Variants in PGBD2 observed in about 807,000 individuals in gnomAD.
PGBD2 encodes the protein piggyBac transposable element-derived protein 2.
A neutral mutation model predicts 8.1 loss-of-function variants in PGBD2; 6 were observed. The observed-to-expected ratio is 0.74, with a 90% CI of 0.40 to 1.46. PGBD2 has a LOEUF of 1.46. Ranked by LOEUF, PGBD2 falls within the 40% of genes most tolerant of loss-of-function variation. PGBD2 has a pLI of 0.02. For synonymous variants in PGBD2, 318 were observed against 272.2 expected (o/e 1.17, Z -1.66); for missense variants, 802 against 739.0 (o/e 1.09, Z -0.99).
the PGBD2 span, among the ~76,000 whole-genome samples, chr1:248,873,625 T>C: frequency 6.6e-6 from 1 of 152,196 alleles, no homozygotes; most frequent in Non-Finnish European, 1.5e-5. Context: ...TGGCACACGG[T>C]CACTAACCCC....
upstream of PGBD2, among the ~76,000 whole-genome samples, chr1:248,904,914 G>A (rs927626632): frequency 1.3e-5 from 2 of 152,058 alleles, no homozygotes; most frequent in Admixed American, 1.3e-4. Flanking sequence ...ATGACAAGAG[G>A]GTTTTTCTCT....
chr1:248,886,190 G>GT, the PGBD2 span, among the ~76,000 whole-genome samples: 6 of 152,066 alleles, frequency 3.9e-5, no homozygotes, highest in Admixed American at 1.3e-4. Flanking sequence ...TACATGCTAG[G>GT]TTTTTTTCAG....
chr1:248,907,380 G>A (rs533876410), intron 1 of PGBD2, among the ~76,000 whole-genome samples: 10 of 152,326 alleles, frequency 6.6e-5, no homozygotes, highest in South Asian at 2.1e-4. Flanking sequence ...GGTTTTGTAC[G>A]GAGACATTCA....
chr1:248,885,658 G>T, the PGBD2 span, among the ~76,000 whole-genome samples: 114 of 152,286 alleles, frequency 7.5e-4, 1 homozygote, highest in African/African-American at 2.6e-3. Context: ...AGTGCTTGAT[G>T]AAGACTATCT....
the PGBD2 span, among the ~76,000 whole-genome samples, chr1:248,887,767 A>G: frequency 3.3e-5 from 5 of 152,278 alleles, no homozygotes; most frequent in East Asian, 9.6e-4. Flanking sequence ...ATTACGTTCA[A>G]TGGCAAAAAC....
the PGBD2 span, among the ~76,000 whole-genome samples, chr1:248,928,126 C>A: frequency 0.1 from 15,141 of 151,816 alleles, 1,694 homozygotes; most frequent in African/African-American, 0.27. Context: ...CTTTTTTGTC[C>A]CAGCAGCCTT....
At chr1:248,875,308 C>CAAAAAAAAAAA in the PGBD2 span, among the ~76,000 whole-genome samples, 177 of 110,250 alleles carry the variant, frequency 1.6e-3, 1 homozygote, top group Middle Eastern at 6.5e-3. Context: ...AAAAACAAAA[C>CAAAAAAAAAAA]AAAAAAAAAA....
At chr1:248,886,953 G>A in the PGBD2 span, among the ~76,000 whole-genome samples, 1 of 152,110 alleles carries the variant, frequency 6.6e-6, no homozygotes, top group Non-Finnish European at 1.5e-5. Context: ...GCATGCCAGT[G>A]GTTTGGCTGC....
intron 2 of PGBD2, 34 bp downstream of exon 2, chr1:248,913,913 A>G: frequency 1.3e-6 from 2 of 1,583,444 alleles, no homozygotes; most frequent in Non-Finnish European, 1.7e-6. Flanking sequence ...GTTTTATTGA[A>G]GAATTTATTC....
At chr1:248,891,053 A>G in the PGBD2 span, among the ~76,000 whole-genome samples, 1 of 152,128 alleles carries the variant, frequency 6.6e-6, no homozygotes, top group Non-Finnish European at 1.5e-5. Flanking sequence ...CCACTCACAA[A>G]TCACTCACGC....
At chr1:248,880,566 T>A in the PGBD2 span, among the ~76,000 whole-genome samples, 2 of 152,354 alleles carry the variant, frequency 1.3e-5, no homozygotes, top group East Asian at 3.9e-4. Flanking sequence ...AGATGGGTAA[T>A]GCAGTGATTG....
intron 2 of PGBD2, chr1:248,914,373 A>C: frequency 1.0e-6 from 1 of 982,670 alleles, no homozygotes; most frequent in Non-Finnish European, 1.2e-6. Flanking sequence ...CCTTACTCCA[A>C]GGTCCATGAG....
chr1:248,923,262 T>C (rs531443758), downstream of PGBD2, among the ~76,000 whole-genome samples: 1 of 152,342 alleles, frequency 6.6e-6, no homozygotes, highest in East Asian at 1.9e-4. Flanking sequence ...TTTATAGTAT[T>C]CTCTGATGAT....
upstream of PGBD2, among the ~76,000 whole-genome samples, chr1:248,904,761 C>CT (rs1216989150): frequency 1.3e-5 from 2 of 152,232 alleles, no homozygotes; most frequent in African/African-American, 2.4e-5. Context: ...AACCTTCTCA[C>CT]TTACCAACCT....
the PGBD2 span, among the ~76,000 whole-genome samples, chr1:248,927,530 CCTCT>C: frequency 3.9e-5 from 6 of 152,146 alleles, no homozygotes; most frequent in African/African-American, 1.2e-4. Flanking sequence ...CCATGTGGTC[CCTCT>C]CTCAATGACT....
chr1:248,909,516 G>A (rs985336913), intron 1 of PGBD2, among the ~76,000 whole-genome samples: 26 of 152,192 alleles, frequency 1.7e-4, no homozygotes, highest in African/African-American at 5.8e-4. Context: ...GTGCCCTGGA[G>A]TGTGGCCATT....
chr1:248,879,167 T>A, the PGBD2 span, among the ~76,000 whole-genome samples: 1,150 of 152,322 alleles, frequency 7.5e-3, 14 homozygotes, highest in Middle Eastern at 0.017. Flanking sequence ...ACAGCGCCTG[T>A]TTAATTTTAA....
At chr1:248,909,502 C>T (rs76864201) in intron 1 of PGBD2, among the ~76,000 whole-genome samples, 379 of 152,204 alleles carry the variant, frequency 2.5e-3, no homozygotes, top group Non-Finnish European at 3.9e-3. Flanking sequence ...TTGAGATGGA[C>T]GGGGTGCCCT....
chr1:248,895,678 G>A, the PGBD2 span, among the ~76,000 whole-genome samples: 11 of 151,946 alleles, frequency 7.2e-5, no homozygotes, highest in African/African-American at 2.4e-4. Context: ...TGTACCCAAT[G>A]TATAGATTTT....
Sources: allele counts gnomAD v4.1 joint callset (sites outside exome capture counted in the v4.1 genomes callset), GRCh38; gene constraint gnomAD v4.1.1; transcripts MANE v1.5; gene names NCBI Gene and HGNC (gene_info 2026-07-23, HGNC 2026-07-21).